RASGRF2: variants seen among roughly 807,000 people sequenced by gnomAD.
RASGRF2 encodes the protein ras-specific guanine nucleotide-releasing factor 2.
Under a neutral mutation model 151.0 loss-of-function variants are expected in RASGRF2, and 76 were observed. The observed-to-expected ratio is 0.50, with a 90% CI of 0.42 to 0.61. RASGRF2 has a LOEUF of 0.61. Among genes scored for constraint, RASGRF2 ranks in the 20% least tolerant of loss-of-function variants. The pLI, the probability that RASGRF2 is intolerant of heterozygous loss-of-function variation, is 0.00. For missense variants in RASGRF2, 1,148 were observed against 1,564.6 expected, an observed-to-expected ratio of 0.73 and a Z score of 4.49; for synonymous variants, 504 against 566.5, an observed-to-expected ratio of 0.89 and a Z score of 1.57.
In RASGRF2 at chr5:80,960,539, C is replaced by T. The variant is rs1273970434; in HGVS notation, c.-200C>T. On this transcript the variant is annotated 5_prime_UTR_variant, in exon 1 of 27. Transcript: ENST00000265080. This position sits in a 1 kb window ranked among gnomAD's most constrained non-coding sequence, Gnocchi z 5.5. The stretch of plus-strand genomic sequence containing the variant: ...GGTGGTTAGGGCGGAGAGCGTGCCT[C>T]GGCCCCAGCCCGCGCCCCTGCCACC... 16 of 346,066 alleles carry T rather than the reference C, an allele frequency of 4.6e-5. No individual in the cohort carries two copies. The East Asian group carries it at 7.7e-4, about 17-fold the overall frequency. 21.4% of individuals were successfully genotyped at this position (346,066 alleles called of 1,614,324 possible).
chr5:81,063,308 G>A (rs190924320), intron 2 of RASGRF2, among the ~76,000 whole-genome samples: 7 of 152,062 alleles, frequency 4.6e-5, no homozygotes, highest in Admixed American at 2.0e-4. Flanking sequence ...GTGCAGTGGC[G>A]TGATCTCGGC....
chr5:81,192,890 A>G (rs905384246), intron 18 of RASGRF2, among the ~76,000 whole-genome samples: 1 of 152,202 alleles, frequency 6.6e-6, no homozygotes, highest in East Asian at 1.9e-4. Context: ...TGTGTAGTCA[A>G]GACAGAAAAC....
rs1260981332 is a variant in RASGRF2 at position 81,080,113 on chromosome 5, T to A, written c.888-8T>A. On this transcript the variant is annotated splice_polypyrimidine_tract_variant and splice_region_variant and intron_variant, in intron 5 of 26. Coordinates refer to ENST00000265080, the MANE Select transcript of RASGRF2 (RefSeq NM_006909.3). ...AACTAAATTATATTATTTTTCCTTTTTTTATAGTGAAACAATCATGTTTCT... is the reference window on the plus strand; with the variant it reads ...AACTAAATTATATTATTTTTCCTTTATTTATAGTGAAACAATCATGTTTCT... 6.3e-7 allele frequency: 1 copy of A among 1,593,114 alleles called. No homozygotes were observed. The highest frequency in any genetic ancestry group is 8.5e-7 in the Non-Finnish European group (1 of 1,175,652).
At chr5:81,114,235 G>T (rs1433368400) in intron 15 of RASGRF2, among the ~76,000 whole-genome samples, 3 of 152,220 alleles carry the variant, frequency 2.0e-5, no homozygotes, top group African/African-American at 7.2e-5. Flanking sequence ...CTGGTTGGCT[G>T]AAGAGCCTAG....
chr5:81,039,097 T>C (rs1461745254), intron 1 of RASGRF2, among the ~76,000 whole-genome samples: 4 of 152,232 alleles, frequency 2.6e-5, no homozygotes, highest in African/African-American at 9.6e-5. Context: ...TATATTACTT[T>C]CTAAAAGTTT....
At chr5:81,113,209 TG>T (rs1753050177) in intron 14 of RASGRF2, among the ~76,000 whole-genome samples, 1 of 152,150 alleles carries the variant, frequency 6.6e-6, no homozygotes, top group African/African-American at 2.4e-5. Context: ...GCGTGTGGTG[TG>T]GGGAGGGTGT....
intron 17 of RASGRF2, among the ~76,000 whole-genome samples, chr5:81,134,177 G>C (rs1425876851): frequency 6.6e-6 from 1 of 151,510 alleles, no homozygotes; most frequent in African/African-American, 2.4e-5. Flanking sequence ...TTTCATGTTA[G>C]ATTTGGATGT....
At chr5:81,105,983 A>G (rs1376290337) in intron 12 of RASGRF2, among the ~76,000 whole-genome samples, 1 of 152,230 alleles carries the variant, frequency 6.6e-6, no homozygotes, top group African/African-American at 2.4e-5. Flanking sequence ...GTCTTCACAT[A>G]GTAAGTACTT....
intron 26 of RASGRF2, among the ~76,000 whole-genome samples, chr5:81,221,378 C>T (rs1443655510): frequency 6.6e-6 from 1 of 152,140 alleles, no homozygotes; most frequent in Non-Finnish European, 1.5e-5. Flanking sequence ...TTATTTATAT[C>T]AGTATGGACT....
chr5:81,057,513 G>C (rs1441038219), intron 2 of RASGRF2, among the ~76,000 whole-genome samples: 1 of 152,158 alleles, frequency 6.6e-6, no homozygotes, highest in East Asian at 1.9e-4. Context: ...CATATGGAGT[G>C]ATGGTGGTTA....
chr5:81,086,841 G>A lies in RASGRF2; in HGVS notation c.1278G>A (p.Met426Ile), dbSNP rs146882175. 16 of 1,611,306 alleles carry A rather than the reference G, an allele frequency of 9.9e-6. No individual in the cohort carries two copies. Among genetic ancestry groups the A allele is most frequent in the Non-Finnish European group, 1.4e-5 (16 of 1,177,420 alleles). The change falls in exon 9 of 27, where the codon ATG (methionine) becomes ATA (isoleucine). Residue 426 changes from methionine to isoleucine, a missense_variant. Physicochemically the swap from Met to Ile is conservative, Grantham distance 10. Transcript: ENST00000265080. ...TGTCTGTGTTGTGTCACAGAGTAAT[G>A]CACGATGAAGTCAGCGACACTGAAA... is the stretch of plus-strand genomic sequence containing the variant. ...KSKLEELSRV[M>I]HDEVSDTENI...
At chr5:81,126,532 T>C (rs1182426509) in intron 16 of RASGRF2, among the ~76,000 whole-genome samples, 2 of 152,110 alleles carry the variant, frequency 1.3e-5, no homozygotes, top group Non-Finnish European at 2.9e-5. Context: ...TATCAGCCAT[T>C]CTATACTCAT....
At chr5:81,136,255 A>G (rs1014961176) in intron 17 of RASGRF2, among the ~76,000 whole-genome samples, 2 of 152,148 alleles carry the variant, frequency 1.3e-5, no homozygotes, top group Non-Finnish European at 2.9e-5. Flanking sequence ...GTTTATATAG[A>G]TCCAAGTTTC....
At chr5:81,065,824 G>T (rs1751583879) in intron 2 of RASGRF2, among the ~76,000 whole-genome samples, 1 of 152,030 alleles carries the variant, frequency 6.6e-6, no homozygotes, top group African/African-American at 2.4e-5. Flanking sequence ...TTATATAGGT[G>T]CTGAGGATGT....
At chr5:81,014,206 A>AC (rs1277133179) in intron 1 of RASGRF2, among the ~76,000 whole-genome samples, 1 of 152,092 alleles carries the variant, frequency 6.6e-6, no homozygotes, top group Non-Finnish European at 1.5e-5. Context: ...GCTTTTCTAG[A>AC]CATATTATTA....
At chr5:81,128,565 C>T (rs1426133738) in intron 17 of RASGRF2, among the ~76,000 whole-genome samples, 2 of 152,162 alleles carry the variant, frequency 1.3e-5, no homozygotes, top group East Asian at 1.9e-4. Flanking sequence ...ACTGAGAACA[C>T]GTTTCCATTT....
At chr5:81,127,885 C>T (rs1386919872) in intron 17 of RASGRF2, among the ~76,000 whole-genome samples, 4 of 136,454 alleles carry the variant, frequency 2.9e-5, no homozygotes, top group Non-Finnish European at 4.5e-5. Context: ...GATTGTGCCA[C>T]TGCACTCCAG....
At chr5:81,180,811 A>T (rs559939329) in intron 18 of RASGRF2, among the ~76,000 whole-genome samples, 2 of 151,594 alleles carry the variant, frequency 1.3e-5, no homozygotes, top group Non-Finnish European at 2.9e-5. Context: ...TTGGGTCCCA[A>T]TGCTGTTTTT....
rs149681374 is a variant in RASGRF2, at chr5:81,183,667, A to T, written c.2793+3386A>T. 1.9e-3 allele frequency among the ~76,000 whole-genome samples: 286 copies of T among 152,290 alleles called. 1 individual carries two copies. The highest frequency in any genetic ancestry group is 6.7e-3 in the African/African-American group (280 of 41,558). On this transcript the variant is annotated intron_variant, in intron 18 of 26. Transcript: ENST00000265080. The stretch of plus-strand genomic sequence containing the variant: ...CACAGGCCCAAACTGGGTTTCTCTC[A>T]TGTGCCTTGTCTATCAATCAGCAGA...
Sources: allele counts gnomAD v4.1 joint callset (sites outside exome capture counted in the v4.1 genomes callset), GRCh38; gene constraint gnomAD v4.1.1; non-coding constraint Gnocchi (gnomAD v3.1); transcripts MANE v1.5; gene names NCBI Gene and HGNC (gene_info 2026-07-23, HGNC 2026-07-21).